ACYP2: variants seen among roughly 807,000 people sequenced by gnomAD.
ACYP2 encodes acylphosphatase 2.
ACYP2 carries 12 observed loss-of-function variants against 11.2 expected under a neutral mutation model. The observed-to-expected ratio is 1.08, with a 90% CI of 0.69 to 1.74. ACYP2 has a LOEUF of 1.74. ACYP2 is among the 40% of genes most tolerant of loss of function. ACYP2 has a pLI of 0.00. For missense variants in ACYP2, 134 were observed against 101.9 expected (o/e 1.31, Z -1.35); for synonymous variants, 43 against 32.2 (o/e 1.33, Z -1.13).
At chr2:54,282,257 G>A (rs2104119316) in intron 6 of ACYP2, among the ~76,000 whole-genome samples, 1 of 152,216 alleles carries the variant, frequency 6.6e-6, no homozygotes, top group South Asian at 2.1e-4. Flanking sequence ...TTAGAGATTG[G>A]GGACTTTAAA....
At chr2:54,051,174 G>A (rs1220593905) in intron 3 of ACYP2, 11 of 713,680 alleles carry the variant, frequency 1.5e-5, no homozygotes, top group Non-Finnish European at 2.8e-5. Flanking sequence ...ACAGGCATTG[G>A]GCGACTCTGC....
rs542895592 is a variant in ACYP2 at position 54,042,905 on chromosome 2, C to T, written c.63-8053C>T. On this transcript the variant is annotated intron_variant, in intron 2 of 6. Coordinates refer to ENST00000607452, the MANE Select transcript of ACYP2 (RefSeq NM_001320586.2). ...TTTCTTAGGAACCTAAACACATCAG[C>T]ACACCCACCATTTCCACCTCCCTAT... Among the ~76,000 whole-genome samples, 10 of 152,316 alleles carry T rather than the reference C, an allele frequency of 6.6e-5. No individual in the cohort carries two copies. In the East Asian group the frequency reaches 1.7e-3, roughly 26 times the overall value.
intron 6 of ACYP2, among the ~76,000 whole-genome samples, chr2:54,299,270 G>C (rs1226562997): frequency 6.6e-6 from 1 of 152,122 alleles, no homozygotes; most frequent in East Asian, 1.9e-4. Flanking sequence ...ACCAACGTCA[G>C]AGGCTCCCAG....
chr2:54,019,399 C>G (rs1353347032), intron 2 of ACYP2, among the ~76,000 whole-genome samples: 2 of 151,496 alleles, frequency 1.3e-5, no homozygotes, highest in Non-Finnish European at 2.9e-5. Flanking sequence ...TTTTTTGACA[C>G]ACAGTCTCAC....
chr2:54,082,420 A>G (rs1202699507), intron 4 of ACYP2: 1 of 151,826 alleles, frequency 6.6e-6, no homozygotes, highest in Admixed American at 6.6e-5. Flanking sequence ...CAATGTTTGT[A>G]TTTTTAGTAG....
chr2:54,276,183 T>C (rs953136179), intron 6 of ACYP2, among the ~76,000 whole-genome samples: 2 of 129,030 alleles, frequency 1.6e-5, no homozygotes, highest in Non-Finnish European at 3.7e-5. Context: ...TTCATCCATG[T>C]CTTTACAGAA....
In ACYP2 at chr2:53,971,124, C is replaced by T. The variant is rs1048695513; in HGVS notation, c.-234C>T. The T allele has an allele frequency of 1.3e-5, 3 of 228,426 alleles. No individual in the cohort carries two copies. Among genetic ancestry groups the T allele is most frequent in the South Asian group, 1.5e-4 (1 of 6,636 alleles). 14.1% of individuals were successfully genotyped at this position (228,426 alleles called of 1,614,324 possible). A position where few individuals can be genotyped will look rare whatever the true frequency, so the allele number is the denominator to read the frequency against. ...TCGGGGGAGGCGGTGGTGGCGGCAG[C>T]TGGAGCCCAACGGGCTGCGCCTTCT... is the stretch of plus-strand genomic sequence containing the variant. On this transcript the variant is annotated 5_prime_UTR_variant, in exon 1 of 7. Transcript: ENST00000607452.
At chr2:54,255,416 G>A (rs17189743) in intron 6 of ACYP2, 40,493 of 1,613,962 alleles carry the variant, frequency 0.025, 694 homozygotes, top group Non-Finnish European at 0.025. Context: ...GGGATATTGC[G>A]AATGATGTCA....
intron 2 of ACYP2, among the ~76,000 whole-genome samples, chr2:53,984,530 T>G (rs1183587939): frequency 6.6e-6 from 1 of 151,854 alleles, no homozygotes; most frequent in African/African-American, 2.4e-5. Flanking sequence ...CGAGCCGAGA[T>G]CGCACCACTG....
intron 6 of ACYP2, among the ~76,000 whole-genome samples, chr2:54,201,596 C>T (rs75481456): frequency 4.2e-5 from 3 of 72,188 alleles, no homozygotes; most frequent in Admixed American, 1.3e-4. Context: ...CTTTCTTTCT[C>T]TTTCTTTCTT....
intron 4 of ACYP2, among the ~76,000 whole-genome samples, chr2:54,068,399 A>G (rs1247686838): frequency 1.3e-5 from 2 of 152,232 alleles, no homozygotes; most frequent in Non-Finnish European, 2.9e-5. Flanking sequence ...AACTGGGCCA[A>G]TGAAATTTTC....
chr2:54,046,591 G>A (rs1675538001), intron 2 of ACYP2, among the ~76,000 whole-genome samples: 1 of 151,994 alleles, frequency 6.6e-6, no homozygotes, highest in Non-Finnish European at 1.5e-5. Context: ...TGGAGATACG[G>A]CCTCGACAAA....
intron 6 of ACYP2, among the ~76,000 whole-genome samples, chr2:54,257,769 T>G (rs1687620860): frequency 6.6e-6 from 1 of 152,162 alleles, no homozygotes; most frequent in Non-Finnish European, 1.5e-5. Flanking sequence ...GCCAATACAT[T>G]TTCAAACTTA....
chr2:53,972,354 C>G (rs1209795209), intron 1 of ACYP2, among the ~76,000 whole-genome samples: 1 of 151,244 alleles, frequency 6.6e-6, no homozygotes, highest in Non-Finnish European at 1.5e-5. Flanking sequence ...CGCCTGTAAT[C>G]CCAGCACTTT....
intron 6 of ACYP2, among the ~76,000 whole-genome samples, chr2:54,213,060 C>G (rs1465373895): frequency 1.3e-5 from 2 of 152,000 alleles, no homozygotes; most frequent in Non-Finnish European, 2.9e-5. Flanking sequence ...GAGCCTAGTA[C>G]CTGATAGTTT....
chr2:54,278,047 G>A (rs891081795), intron 6 of ACYP2, among the ~76,000 whole-genome samples: 38 of 151,998 alleles, frequency 2.5e-4, no homozygotes, highest in African/African-American at 8.9e-4. Flanking sequence ...TGGCTCACTC[G>A]GCTCACTGCA....
At chr2:54,207,199 G>GTGTGTGTC (rs1558613448) in intron 6 of ACYP2, among the ~76,000 whole-genome samples, 30 of 151,440 alleles carry the variant, frequency 2.0e-4, no homozygotes, top group African/African-American at 6.6e-4. Flanking sequence ...GTGTGTGTGT[G>GTGTGTGTC]TGTGTGTATA....
intron 4 of ACYP2, among the ~76,000 whole-genome samples, chr2:54,090,284 T>G (rs1455674219): frequency 6.6e-6 from 1 of 152,156 alleles, no homozygotes; most frequent in Non-Finnish European, 1.5e-5. Flanking sequence ...TCTCCTGCTT[T>G]TCTACTGCAT....
intron 4 of ACYP2, among the ~76,000 whole-genome samples, chr2:54,061,496 T>G (rs1450248087): frequency 6.6e-6 from 1 of 152,192 alleles, no homozygotes; most frequent in African/African-American, 2.4e-5. Context: ...TGATGTTGTT[T>G]TCTTACTGGT....
Sources: allele counts gnomAD v4.1 joint callset (sites outside exome capture counted in the v4.1 genomes callset), GRCh38; gene constraint gnomAD v4.1.1; transcripts MANE v1.5; gene names NCBI Gene and HGNC (gene_info 2026-07-23, HGNC 2026-07-21).